MYH11: variants seen among roughly 807,000 people sequenced by gnomAD.
The protein encoded by MYH11 is myosin-11.
In MYH11, 80 loss-of-function variants were observed where a neutral mutation model predicts 246.6. The observed-to-expected ratio is 0.32, with a 90% confidence interval of 0.27 to 0.39. The LOEUF is 0.39. Among genes scored for constraint, MYH11 ranks in the 10% least tolerant of loss-of-function variants. The pLI, the probability that MYH11 is intolerant of heterozygous loss-of-function variation, is 1.00. For synonymous variants in MYH11, 1,071 were observed against 1,015.5 expected (o/e 1.05, Z -1.04); for missense variants, 2,158 against 2,546.8 (o/e 0.85, Z 3.29).
At chr16:15,778,730 T>C (rs776379335) in intron 7 of MYH11, 50 bp downstream of exon 7, 1 of 1,559,784 alleles carries the variant, frequency 6.4e-7, no homozygotes, top group African/African-American at 1.4e-5. Context: ...GGGCAGGAGA[T>C]TGGTAGGGGG....
chr16:15,778,891 G>T lies in MYH11; in HGVS notation c.727-48C>A, dbSNP rs11644832. Reference sequence around the variant, plus strand: ...CAGGCTTTGCTGCCCAACTTCAGCCGTTAACCCCATGCTGTGGGCAAGCAG... The same window carrying T: ...CAGGCTTTGCTGCCCAACTTCAGCCTTTAACCCCATGCTGTGGGCAAGCAG... On this transcript the variant is annotated intron_variant, in intron 6 of 40. Coordinates refer to ENST00000300036, the MANE Select transcript of MYH11 (RefSeq NM_002474.3). The T allele has an allele frequency of 0.2, 312,266 of 1,582,174 alleles. 31,577 individuals carry two copies. The highest frequency in any genetic ancestry group is 0.27 in the East Asian group (12,067 of 44,666).
At chr16:15,775,857 G>A (rs890798586) in intron 8 of MYH11, 2 of 599,288 alleles carry the variant, frequency 3.3e-6, no homozygotes, top group African/African-American at 1.8e-5. Flanking sequence ...TGGAGTTGAT[G>A]GCTACTATGT....
chr16:15,736,559 G>A (rs778598739), intron 25 of MYH11, among the ~76,000 whole-genome samples: 7 of 152,168 alleles, frequency 4.6e-5, no homozygotes, highest in East Asian at 1.9e-4. Flanking sequence ...GATTACAGGC[G>A]TGAGCCACTG....
chr16:15,759,628 T>C lies in MYH11; in HGVS notation c.1349A>G (p.Gln450Arg). Residue 450 changes from glutamine to arginine, a missense_variant, in exon 12 of 41, where the codon CAA becomes CGA. By Grantham distance (43) the Gln-to-Arg change is conservative (BLOSUM62 1). This residue lies in a region of MYH11 where 317 missense variants were observed against 507.7 expected (regional missense o/e 0.62). Transcript: ENST00000300036. The part of the protein sequence containing the change: ...VNKALDKTHR[Q>R]GASFLGILDI... Reference sequence around the variant, plus strand: ...CAGGATCCCCAGGAAGGAAGCCCCTTGCCGATGGGTCTTGTCCAGGGCTTT... The same window carrying C: ...CAGGATCCCCAGGAAGGAAGCCCCTCGCCGATGGGTCTTGTCCAGGGCTTT... 6.2e-7 allele frequency: 1 copy of C among 1,614,072 alleles called. No individual in the cohort carries two copies.
At chr16:15,842,326 C>A (rs1198347424) in intron 1 of MYH11, among the ~76,000 whole-genome samples, 1 of 151,954 alleles carries the variant, frequency 6.6e-6, no homozygotes, top group Non-Finnish European at 1.5e-5. Context: ...GTGGAGGTTG[C>A]AGTGAGCCAA....
chr16:15,785,007 G>GTTTT, intron 5 of MYH11: 3 of 67,330 alleles, frequency 4.5e-5, no homozygotes, highest in Non-Finnish European at 7.4e-5. Flanking sequence ...TAATTCTCTT[G>GTTTT]ATTTTTTTTT....
intron 6 of MYH11, among the ~76,000 whole-genome samples, chr16:15,781,490 C>T (rs2042352020): frequency 6.6e-6 from 1 of 152,136 alleles, no homozygotes; most frequent in African/African-American, 2.4e-5. Context: ...TTCAGAGACC[C>T]CCTTCTCCTG....
At chr16:15,705,324 T>G (rs1022492057) in intron 40 of MYH11, among the ~76,000 whole-genome samples, 3 of 152,122 alleles carry the variant, frequency 2.0e-5, no homozygotes, top group African/African-American at 7.2e-5. Context: ...CACCCCTGTC[T>G]CTCCTTAATG....
chr16:15,850,021 C>T (rs768692960), intron 1 of MYH11, among the ~76,000 whole-genome samples: 3 of 152,196 alleles, frequency 2.0e-5, no homozygotes, highest in Non-Finnish European at 2.9e-5. Context: ...GTTTGTTTTA[C>T]CATCAGTTTC....
rs144959371 is a variant in MYH11 at position 15,775,356 on chromosome 16, A to G, written c.889+722T>C. ...GCACTCACTGATTTATGTGTTGCCT[A>G]TGTTCATTGGTTTATGTGCTGCCTG... is the stretch of plus-strand genomic sequence containing the variant. On this transcript the variant is annotated intron_variant, in intron 8 of 40. Coordinates refer to ENST00000300036, the MANE Select transcript of MYH11 (RefSeq NM_002474.3). 4.1e-3 allele frequency among the ~76,000 whole-genome samples: 623 copies of G among 152,242 alleles called. 2 individuals are homozygous for G. The highest frequency in any genetic ancestry group is 0.017 in the Middle Eastern group (5 of 292).
chr16:15,764,137 T>TA (rs2151282973), intron 9 of MYH11, among the ~76,000 whole-genome samples: 2 of 152,326 alleles, frequency 1.3e-5, no homozygotes, highest in South Asian at 4.1e-4. Context: ...CTATTATACA[T>TA]AAAGTTTTAG....
intron 4 of MYH11, among the ~76,000 whole-genome samples, chr16:15,788,384 G>A (rs780613492): frequency 2.3e-4 from 34 of 150,908 alleles, no homozygotes; most frequent in Non-Finnish European, 4.0e-4. Flanking sequence ...TGTTCACCCC[G>A]AGGTCAGCCC....
At chr16:15,708,091 G>A (rs2039563952) in intron 40 of MYH11, among the ~76,000 whole-genome samples, 1 of 152,072 alleles carries the variant, frequency 6.6e-6, no homozygotes, top group Admixed American at 6.6e-5. Context: ...ACATGCCCGT[G>A]AAGCCTCCAG....
At chr16:15,754,279 T>C (rs368257001) in intron 14 of MYH11, among the ~76,000 whole-genome samples, 1 of 152,280 alleles carries the variant, frequency 6.6e-6, no homozygotes, top group South Asian at 2.1e-4. Flanking sequence ...CTAATGAGCA[T>C]AATTTGTAAC....
chr16:15,783,625 G>A (rs1239160930), intron 5 of MYH11: 1 of 152,150 alleles, frequency 6.6e-6, no homozygotes, highest in Admixed American at 6.5e-5. Flanking sequence ...GAGCACCACG[G>A]GCATTTCTTT....
At chr16:15,709,232 A>T (rs918414057) in intron 40 of MYH11, among the ~76,000 whole-genome samples, 3 of 151,868 alleles carry the variant, frequency 2.0e-5, no homozygotes, top group Non-Finnish European at 1.5e-5. Flanking sequence ...ACAGGCATGA[A>T]CCACCGCACC....
At chr16:15,790,623 T>G (rs183916950) in intron 4 of MYH11, among the ~76,000 whole-genome samples, 44 of 152,286 alleles carry the variant, frequency 2.9e-4, no homozygotes, top group Admixed American at 2.5e-3. Context: ...CCTCTAGGGG[T>G]GAAGATGCCT....
chr16:15,704,986 T>A (rs2039371328), intron 40 of MYH11, among the ~76,000 whole-genome samples: 1 of 151,998 alleles, frequency 6.6e-6, no homozygotes, highest in Non-Finnish European at 1.5e-5. Flanking sequence ...GCCTTCAAGG[T>A]GGATTTAAAA....
At chr16:15,813,654 T>C (rs2151342237) in intron 3 of MYH11, among the ~76,000 whole-genome samples, 1 of 152,206 alleles carries the variant, frequency 6.6e-6, no homozygotes, top group African/African-American at 2.4e-5. Flanking sequence ...CTCTCTTCCT[T>C]CCTAAACCTT....
Sources: gnomAD v4.1 joint callset for allele counts (sites outside exome capture counted in the v4.1 genomes callset) on GRCh38, gnomAD v4.1.1 for gene constraint, gnomAD v4.1.1 regional missense constraint, MANE v1.5 for transcripts, NCBI Gene and HGNC (gene_info 2026-07-23, HGNC 2026-07-21) for gene names.